SEZ6L: variants seen among roughly 807,000 people sequenced by gnomAD.
The protein encoded by SEZ6L is seizure 6-like protein.
SEZ6L carries 37 observed loss-of-function variants against 106.2 expected under a neutral mutation model. The observed-to-expected ratio is 0.35, with a 90% CI of 0.27 to 0.46. SEZ6L has a LOEUF of 0.46. SEZ6L is among the 20% of genes least tolerant of loss of function. The pLI, the probability that SEZ6L is intolerant of heterozygous loss-of-function variation, is 1.00. For synonymous variants in SEZ6L, 541 were observed against 570.4 expected (o/e 0.95, Z 0.73); for missense variants, 1,172 against 1,332.8 (o/e 0.88, Z 1.88).
chr22:26,290,815 C>G (rs774138079), intron 1 of SEZ6L, among the ~76,000 whole-genome samples: 12 of 152,244 alleles, frequency 7.9e-5, no homozygotes, highest in Non-Finnish European at 1.5e-4. Flanking sequence ...CTTTTGTGCC[C>G]ACCTCTGCCC....
chr22:26,347,972 T>G, intron 11 of SEZ6L, 59 bp downstream of exon 11: 1 of 1,425,152 alleles, frequency 7.0e-7, no homozygotes, highest in Middle Eastern at 2.3e-4. Flanking sequence ...CTTCTAGGGA[T>G]CTTTTTTTGG....
intron 1 of SEZ6L, among the ~76,000 whole-genome samples, chr22:26,278,978 G>C (rs991750723): frequency 5.4e-5 from 3 of 55,458 alleles, no homozygotes; most frequent in African/African-American, 3.2e-4. Flanking sequence ...GGAAGGGAGG[G>C]AGGGAGGGAG....
intron 1 of SEZ6L, among the ~76,000 whole-genome samples, chr22:26,197,262 C>A (rs991392369): frequency 6.6e-6 from 1 of 152,128 alleles, no homozygotes; most frequent in Non-Finnish European, 1.5e-5. Flanking sequence ...TTCCCAGCAA[C>A]TAAGCCTGGT....
chr22:26,219,231 T>C (rs533761232), intron 1 of SEZ6L, among the ~76,000 whole-genome samples: 34 of 145,800 alleles, frequency 2.3e-4, no homozygotes, highest in Non-Finnish European at 3.0e-4. Context: ...CAGTTGGTCA[T>C]AGAAGATGTT....
Position 26,380,284 on chromosome 22 carries a change from G to A in SEZ6L, c.3064G>A (p.Val1022Ile). The A allele has an allele frequency of 1.9e-6, 3 of 1,613,542 alleles. No individual in the cohort carries two copies. The highest frequency in any genetic ancestry group is 2.5e-6 in the Non-Finnish European group (3 of 1,179,630). The change falls in exon 17 of 17, where the codon GTT (valine) becomes ATT (isoleucine). Residue 1022 changes from valine (V) to isoleucine (I), a missense_variant. This residue lies in a region of SEZ6L where 141 missense variants were observed against 176.0 expected (regional missense o/e 0.80). Coordinates refer to ENST00000248933, the MANE Select transcript of SEZ6L (RefSeq NM_021115.5). Reference protein sequence around the residue: ...YETGETREYEVSI With the variant: ...YETGETREYEISI Reference sequence around the variant, plus strand: ...CTTGCAGGAAACCAGAGAGTATGAGGTTTCTATCTAAAGAGAGCTACACTT... The same window carrying A: ...CTTGCAGGAAACCAGAGAGTATGAGATTTCTATCTAAAGAGAGCTACACTT...
intron 9 of SEZ6L, among the ~76,000 whole-genome samples, chr22:26,318,616 T>C (rs641099): frequency 0.72 from 109,114 of 152,024 alleles, 39,273 homozygotes; most frequent in African/African-American, 0.77. Context: ...GTATTATTTG[T>C]TCTTTGGATT....
At chr22:26,377,636 G>A (rs1348814503) in intron 15 of SEZ6L, 37 bp from the exon 16 acceptor site, 8 of 1,489,794 alleles carry the variant, frequency 5.4e-6, no homozygotes, top group Non-Finnish European at 7.5e-6. Flanking sequence ...TCTCCTAGCT[G>A]GGGAGAAGTA....
At chr22:26,347,667 C>A in intron 10 of SEZ6L, 52 bp from the exon 11 acceptor site, 1 of 1,486,120 alleles carries the variant, frequency 6.7e-7, no homozygotes, top group Non-Finnish European at 9.1e-7. Context: ...AAAAGGAGGC[C>A]CCGACAACAA....
At chr22:26,184,707 G>A (rs764923464) in intron 1 of SEZ6L, among the ~76,000 whole-genome samples, 3 of 152,024 alleles carry the variant, frequency 2.0e-5, no homozygotes, top group Non-Finnish European at 4.4e-5. Context: ...CAAAGCATGC[G>A]GATCATTCAA....
chr22:26,178,116 C>T (rs931197977), intron 1 of SEZ6L, among the ~76,000 whole-genome samples: 1 of 152,192 alleles, frequency 6.6e-6, no homozygotes, highest in East Asian at 1.9e-4. Context: ...CCACTGGCGT[C>T]TATTACCCAC....
chr22:26,372,813 T>C (rs742236), intron 13 of SEZ6L, among the ~76,000 whole-genome samples: 74,602 of 152,048 alleles, frequency 0.49, 19,464 homozygotes, highest in East Asian at 0.94. Flanking sequence ...ATACAAAGCC[T>C]CATCAATATA....
chr22:26,343,597 AC>A (rs1259927387), intron 10 of SEZ6L, among the ~76,000 whole-genome samples: 4 of 152,228 alleles, frequency 2.6e-5, no homozygotes, highest in Admixed American at 6.5e-5. Flanking sequence ...GGCTCTGCAC[AC>A]CAGGATATAG....
At chr22:26,293,280 G>A (rs2081198155) in intron 2 of SEZ6L, 134 bp downstream of exon 2, 1 of 1,286,836 alleles carries the variant, frequency 7.8e-7, no homozygotes, top group African/African-American at 1.5e-5. Context: ...CACTGACTAT[G>A]AGCTTCGCCC....
At chr22:26,234,532 G>A (rs921530072) in intron 1 of SEZ6L, among the ~76,000 whole-genome samples, 5 of 152,182 alleles carry the variant, frequency 3.3e-5, no homozygotes, top group Admixed American at 1.3e-4. Context: ...TGGCTTGGCA[G>A]CAAAGTCAAT....
intron 9 of SEZ6L, among the ~76,000 whole-genome samples, chr22:26,327,572 ACAC>A (rs894270864): frequency 6.8e-6 from 1 of 146,890 alleles, no homozygotes; most frequent in African/African-American, 2.5e-5. Context: ...CCCCACACAC[ACAC>A]CACATGACAC....
chr22:26,271,922 T>C (rs2080382690), intron 1 of SEZ6L, among the ~76,000 whole-genome samples: 1 of 152,204 alleles, frequency 6.6e-6, no homozygotes, highest in Admixed American at 6.5e-5. Flanking sequence ...AGCACTAAAA[T>C]GGATAAACTG....
chr22:26,226,858 C>T (rs1388939468), intron 1 of SEZ6L, among the ~76,000 whole-genome samples: 1 of 152,146 alleles, frequency 6.6e-6, no homozygotes, highest in South Asian at 2.1e-4. Context: ...TCCCTTTGTT[C>T]CTCTCTGAAA....
chr22:26,181,114 T>G (rs569686619), intron 1 of SEZ6L, among the ~76,000 whole-genome samples: 7 of 152,340 alleles, frequency 4.6e-5, no homozygotes, highest in African/African-American at 1.7e-4. Context: ...GAGAATGCAA[T>G]GCATGTCACT....
At chr22:26,296,280 G>A (rs1365555657) in intron 3 of SEZ6L, among the ~76,000 whole-genome samples, 4 of 152,202 alleles carry the variant, frequency 2.6e-5, no homozygotes. Flanking sequence ...CACCACTGGG[G>A]AGAATAAGAG....
Sources: allele counts gnomAD v4.1 joint callset (sites outside exome capture counted in the v4.1 genomes callset), GRCh38; gene constraint gnomAD v4.1.1; regional missense constraint gnomAD v4.1.1; transcripts MANE v1.5; gene names NCBI Gene and HGNC (gene_info 2026-07-23, HGNC 2026-07-21).